Variants in POLI observed in about 807,000 individuals in gnomAD.
POLI encodes the protein DNA polymerase iota.
Under a neutral mutation model 51.6 loss-of-function variants are expected in POLI, and 58 were observed. The observed-to-expected ratio is 1.12, with a 90% CI of 0.91 to 1.40. The LOEUF is 1.40. Ranked by LOEUF, POLI falls within the 40% of genes most tolerant of loss-of-function variation. The probability of loss-of-function intolerance (pLI) is 0.00; values close to 1 mark genes in which losing one functional copy is unlikely to be tolerated. For missense variants in POLI, 921 were observed against 871.3 expected (o/e 1.06, Z -0.72); for synonymous variants, 322 against 299.7 (o/e 1.07, Z -0.77).
chr18:54,303,740 C>T (rs2088530804), intron 3 of POLI, among the ~76,000 whole-genome samples: 1 of 151,578 alleles, frequency 6.6e-6, no homozygotes, highest in South Asian at 2.1e-4. Context: ...ATACTTCCAC[C>T]TCTCTCCCAG....
At chr18:54,289,710 A>G (rs1422860661) in intron 8 of POLI, among the ~76,000 whole-genome samples, 1 of 151,968 alleles carries the variant, frequency 6.6e-6, no homozygotes, top group African/African-American at 2.4e-5. Flanking sequence ...CAGACCTGAC[A>G]GAAACAAGCA....
Position 54,297,724 on chromosome 18 carries a change from T to C in POLI, c.*3257T>C. 1 of 970,866 alleles carries C rather than the reference T, an allele frequency of 1.0e-6. No individual in the cohort carries two copies. Among genetic ancestry groups the C allele is most frequent in the Non-Finnish European group, 1.2e-6 (1 of 816,720 alleles). 60.1% of individuals were successfully genotyped at this position (970,866 alleles called of 1,614,324 possible). The stretch of plus-strand genomic sequence containing the variant: ...TTGATTATCCTTAAACATCTAAAAA[T>C]GCTACCCTCTTTCCAAACAACACAA... On this transcript the variant is annotated 3_prime_UTR_variant, in exon 10 of 10. Transcript: ENST00000579534.
intron 6 of POLI, 47 bp from the exon 7 acceptor site, chr18:54,283,875 A>G: frequency 5.9e-6 from 4 of 678,770 alleles, no homozygotes; most frequent in South Asian, 1.9e-5. Context: ...ATAATTAGAT[A>G]TAGTTATTTG....
downstream of POLI, among the ~76,000 whole-genome samples, chr18:54,300,417 A>T (rs1236185435): frequency 4.6e-5 from 7 of 152,130 alleles, no homozygotes; most frequent in Non-Finnish European, 1.0e-4. Flanking sequence ...TAAGTTAGAG[A>T]TGTATAATAT....
At chr18:54,277,632 G>A in intron 3 of POLI, 71 bp from the exon 4 acceptor site, 1 of 900,378 alleles carries the variant, frequency 1.1e-6, no homozygotes, top group Non-Finnish European at 1.7e-6. Context: ...AAATTTTTAA[G>A]CACTAGATAG....
At chr18:54,287,485 G>C in intron 8 of POLI, 74 bp downstream of exon 8, 1 of 1,150,462 alleles carries the variant, frequency 8.7e-7, no homozygotes, top group South Asian at 1.4e-5. Flanking sequence ...TGAGAAATAT[G>C]CTCCAAAAAT....
At chr18:54,311,458 G>A (rs1044532965) in intron 3 of POLI, among the ~76,000 whole-genome samples, 11 of 152,148 alleles carry the variant, frequency 7.2e-5, no homozygotes, top group African/African-American at 2.7e-4. Flanking sequence ...TGTCATAGTG[G>A]TCATTCCTTT....
At chr18:54,310,500 G>A (rs1003361282) in intron 3 of POLI, among the ~76,000 whole-genome samples, 1 of 132,776 alleles carries the variant, frequency 7.5e-6, no homozygotes, top group African/African-American at 2.9e-5. Flanking sequence ...TTTTTTTTCT[G>A]GGAGAAAGGT....
downstream of POLI, among the ~76,000 whole-genome samples, chr18:54,300,903 A>G (rs370757749): frequency 3.3e-5 from 5 of 152,222 alleles, no homozygotes; most frequent in East Asian, 9.6e-4. Context: ...AGAATGCAAT[A>G]GTCCTAAATG....
intron 3 of POLI, among the ~76,000 whole-genome samples, chr18:54,319,732 T>A (rs557090471): frequency 1.2e-4 from 19 of 152,294 alleles, no homozygotes; most frequent in Non-Finnish European, 2.1e-4. Flanking sequence ...TATATGGAGA[T>A]GATGACAGGG....
rs753642196 is a variant in POLI at position 54,294,351 on chromosome 18, A to G, written c.2107A>G (p.Thr703Ala). Residue 703 changes from threonine to alanine, a missense_variant, in exon 10 of 10, where the codon ACT (threonine) becomes GCT (alanine). Physicochemically the swap from Thr to Ala is moderately conservative, Grantham distance 58 (BLOSUM62 0). Coordinates refer to ENST00000579534, the MANE Select transcript of POLI (RefSeq NM_007195.3). ...REPDSVDEKI[T>A]FPSDIDPQVF... ...GCCAGATTCTGTTGATGAGAAAATT[A>G]CTTTCCCTTCTGACATTGATCCTCA... is the stretch of plus-strand genomic sequence containing the variant. 9 of 1,613,640 alleles carry G rather than the reference A, an allele frequency of 5.6e-6. No homozygotes were observed. Among genetic ancestry groups the G allele is most frequent in the Middle Eastern group, 1.7e-4 (1 of 6,058 alleles).
chr18:54,309,923 G>T (rs900070767), intron 3 of POLI, among the ~76,000 whole-genome samples: 1 of 152,208 alleles, frequency 6.6e-6, no homozygotes, highest in Non-Finnish European at 1.5e-5. Context: ...CTGGTGCGCC[G>T]TTTGCTAAGA....
chr18:54,269,516 C>T, upstream of POLI: 1 of 1,503,828 alleles, frequency 6.6e-7, no homozygotes, highest in Non-Finnish European at 8.8e-7. Context: ...CGGAAGCGGC[C>T]GGAAGTAGCG....
intron 8 of POLI, among the ~76,000 whole-genome samples, chr18:54,290,909 C>A (rs61419675): frequency 6.6e-6 from 1 of 152,086 alleles, no homozygotes; most frequent in Non-Finnish European, 1.5e-5. Context: ...CAAACTAACA[C>A]GGTACATGTA....
At chr18:54,321,091 C>T (rs753967025) in exon 5 of POLI, 1 of 152,206 alleles carries the variant, frequency 6.6e-6, no homozygotes, top group Non-Finnish European at 1.5e-5. Flanking sequence ...CCACAGTCAA[C>T]ACACAGAACA....
At chr18:54,311,348 A>T (rs978919839) in intron 3 of POLI, among the ~76,000 whole-genome samples, 5 of 152,110 alleles carry the variant, frequency 3.3e-5, no homozygotes, top group African/African-American at 1.2e-4. Flanking sequence ...AATAATAATA[A>T]TAATGAAGAA....
intron 2 of POLI, among the ~76,000 whole-genome samples, chr18:54,273,269 A>G (rs2087087893): frequency 6.6e-6 from 1 of 151,730 alleles, no homozygotes; most frequent in African/African-American, 2.4e-5. Flanking sequence ...CACTTGTTTT[A>G]TATATTTTAT....
Position 54,296,484 on chromosome 18 carries a change from G to C in POLI, c.*2017G>C. 6.0e-6 allele frequency: 3 copies of C among 499,746 alleles called. No homozygotes were observed. Among genetic ancestry groups the C allele is most frequent in the African/African-American group, 2.1e-5 (1 of 47,776 alleles). The allele number at this position is 499,746 out of a possible 1,614,324, so 31.0% of individuals were successfully genotyped here. The stretch of plus-strand genomic sequence containing the variant: ...GGTTTACTGTATTATTTGGAAGTGC[G>C]AATTTATTTTTATTCTTAGTATATA... On this transcript the variant is annotated 3_prime_UTR_variant, in exon 10 of 10. Coordinates refer to ENST00000579534, the MANE Select transcript of POLI (RefSeq NM_007195.3).
At chr18:54,302,323 C>T (rs1193861465), downstream of POLI, among the ~76,000 whole-genome samples, 1 of 152,154 alleles carries the variant, frequency 6.6e-6, no homozygotes, top group Non-Finnish European at 1.5e-5. Context: ...TTCCTAGATT[C>T]TCAACTAAAC....
Sources: allele counts gnomAD v4.1 joint callset (sites outside exome capture counted in the v4.1 genomes callset), GRCh38; gene constraint gnomAD v4.1.1; transcripts MANE v1.5; gene names NCBI Gene and HGNC (gene_info 2026-07-23, HGNC 2026-07-21).